The following MCTP1 variants were observed in gnomAD, a reference collection of about 807,000 sequenced individuals.
The protein encoded by MCTP1 is multiple C2 and transmembrane domain-containing protein 1.
MCTP1 carries 69 observed loss-of-function variants against 120.6 expected under a neutral mutation model. The ratio of observed to expected loss-of-function variants is 0.57; its 90% CI spans 0.47 to 0.70. The LOEUF (loss-of-function observed/expected upper bound fraction) is 0.70, where lower values mean the gene tolerates loss of function less well. Among genes scored for constraint, MCTP1 ranks in the 30% least tolerant of loss-of-function variants. The pLI, the probability that MCTP1 is intolerant of heterozygous loss-of-function variation, is 0.00. For synonymous variants in MCTP1, 529 were observed against 493.1 expected, an observed-to-expected ratio of 1.07 and a Z score of -0.96; for missense variants, 1,203 against 1,248.8, an observed-to-expected ratio of 0.96 and a Z score of 0.55.
chr5:94,724,412 ATTTTTT>A (rs34497014), intron 19 of MCTP1, among the ~76,000 whole-genome samples: 2 of 138,510 alleles, frequency 1.4e-5, no homozygotes, highest in Non-Finnish European at 1.6e-5. Context: ...CGTCTGGCTA[ATTTTTT>A]TTTTTTTTTT....
At chr5:94,716,683 A>G (rs1056140096) in intron 19 of MCTP1, among the ~76,000 whole-genome samples, 2 of 152,184 alleles carry the variant, frequency 1.3e-5, no homozygotes, top group Admixed American at 6.5e-5. Flanking sequence ...GTGAAAAACT[A>G]TTTCACAGTA....
At chr5:94,891,738 T>C (rs528115814) in intron 11 of MCTP1, among the ~76,000 whole-genome samples, 1 of 145,382 alleles carries the variant, frequency 6.9e-6, no homozygotes, top group Non-Finnish European at 1.5e-5. Flanking sequence ...TCGATTATAA[T>C]AAGAAGTAAA....
intron 1 of MCTP1, among the ~76,000 whole-genome samples, chr5:95,123,267 T>C (rs1758370241): frequency 6.6e-6 from 1 of 151,828 alleles, no homozygotes; most frequent in Non-Finnish European, 1.5e-5. Flanking sequence ...CCACAAAAAT[T>C]AAAAATAAAA....
intron 19 of MCTP1, among the ~76,000 whole-genome samples, chr5:94,724,450 C>T (rs1215297334): frequency 1.4e-5 from 2 of 147,490 alleles, no homozygotes; most frequent in Non-Finnish European, 3.0e-5. Context: ...CAGGGTCTTG[C>T]TGTGTTGCCC....
At chr5:95,217,667 G>T (rs1168204468) in intron 1 of MCTP1, among the ~76,000 whole-genome samples, 2 of 151,822 alleles carry the variant, frequency 1.3e-5, no homozygotes, top group African/African-American at 2.4e-5. Context: ...TCTGAGGCTT[G>T]GTAATAACAT....
chr5:95,266,882 C>T (rs460363), intron 1 of MCTP1, among the ~76,000 whole-genome samples: 132,742 of 152,222 alleles, frequency 0.87, 58,155 homozygotes, highest in African/African-American at 0.96. Flanking sequence ...TGGCTTATGT[C>T]GCCACTTCAA....
chr5:95,109,201 T>G (rs990264307), intron 1 of MCTP1, among the ~76,000 whole-genome samples: 6 of 152,074 alleles, frequency 3.9e-5, no homozygotes, highest in African/African-American at 1.4e-4. Flanking sequence ...CCATTTAGAT[T>G]TTCCCCTTAC....
At chr5:94,837,110 A>G (rs576925383) in intron 17 of MCTP1, among the ~76,000 whole-genome samples, 1 of 152,164 alleles carries the variant, frequency 6.6e-6, no homozygotes, top group South Asian at 2.1e-4. Flanking sequence ...CTGTGCAGTG[A>G]CTCACACCTG....
chr5:94,734,296 T>C (rs1318418682), intron 19 of MCTP1, among the ~76,000 whole-genome samples: 3 of 151,648 alleles, frequency 2.0e-5, no homozygotes, highest in African/African-American at 4.9e-5. Context: ...TGCAGTCTTA[T>C]AACATGTATT....
At chr5:94,988,928 C>T (rs1413213473) in intron 2 of MCTP1, among the ~76,000 whole-genome samples, 1 of 152,098 alleles carries the variant, frequency 6.6e-6, no homozygotes, top group African/African-American at 2.4e-5. Context: ...CGAGAACTAA[C>T]TCATATCATG....
In MCTP1 at chr5:95,284,689, G is replaced by A. The variant is rs1042464514; in HGVS notation, c.-114C>T. ...CCGCGGCGCTGGCGGTGGCGGCGGC[G>A]GCGGCGGCGGGCGCAGCAGCAGAAA... On this transcript the variant is annotated 5_prime_UTR_variant, in exon 1 of 23. Coordinates refer to ENST00000515393, the MANE Select transcript of MCTP1 (RefSeq NM_024717.7). This position sits in a 1 kb window ranked among gnomAD's most constrained non-coding sequence, Gnocchi z 5.2. 70 of 880,452 alleles carry A rather than the reference G, an allele frequency of 8.0e-5. No individual in the cohort carries two copies. Among genetic ancestry groups the A allele is most frequent in the Admixed American group, 2.9e-4 (7 of 24,406 alleles). The allele number at this position is 880,452 out of a possible 1,614,324, so 54.5% of individuals were successfully genotyped here.
intron 9 of MCTP1, among the ~76,000 whole-genome samples, chr5:94,912,356 C>G (rs1316034318): frequency 7.4e-6 from 1 of 134,982 alleles, no homozygotes; most frequent in African/African-American, 2.7e-5. Flanking sequence ...ACCCGGGAGT[C>G]GGAGGTTGCA....
intron 17 of MCTP1, among the ~76,000 whole-genome samples, chr5:94,818,079 T>TC (rs1784865373): frequency 6.6e-6 from 1 of 152,160 alleles, no homozygotes; most frequent in Non-Finnish European, 1.5e-5. Context: ...GAATCTTTTT[T>TC]CCCCTGAACA....
intron 2 of MCTP1, among the ~76,000 whole-genome samples, chr5:94,954,205 T>TATGC (rs1317009327): frequency 2.3e-5 from 3 of 132,524 alleles, no homozygotes; most frequent in Non-Finnish European, 4.8e-5. Context: ...TATATATATA[T>TATGC]GCCATGGAAT....
At chr5:94,947,541 G>A (rs1401969701) in intron 3 of MCTP1, among the ~76,000 whole-genome samples, 2 of 112,064 alleles carry the variant, frequency 1.8e-5, no homozygotes, top group Non-Finnish European at 3.7e-5. Context: ...AAATATTTTA[G>A]TGTTAGTTTA....
intron 1 of MCTP1, among the ~76,000 whole-genome samples, chr5:95,093,709 C>T (rs189594242): frequency 1.2e-3 from 180 of 152,270 alleles, no homozygotes; most frequent in Non-Finnish European, 2.3e-3. Context: ...TCTTTTGTTC[C>T]ACATGCTGTT....
At chr5:95,123,852 T>C (rs566196033) in intron 1 of MCTP1, among the ~76,000 whole-genome samples, 2 of 152,250 alleles carry the variant, frequency 1.3e-5, no homozygotes, top group South Asian at 4.1e-4. Flanking sequence ...GGTTTCACCA[T>C]ACTAGCCAGG....
intron 1 of MCTP1, among the ~76,000 whole-genome samples, chr5:95,238,796 T>TAA (rs1421670317): frequency 6.6e-6 from 1 of 152,124 alleles, no homozygotes; most frequent in Non-Finnish European, 1.5e-5. Context: ...TACAGACCCC[T>TAA]AAGCCCTCAC....
At chr5:95,063,989 G>A (rs532386468) in intron 1 of MCTP1, among the ~76,000 whole-genome samples, 22 of 152,304 alleles carry the variant, frequency 1.4e-4, no homozygotes, top group African/African-American at 5.3e-4. Flanking sequence ...AAGGAACACT[G>A]TGTGATGACA....
Sources: gnomAD v4.1 joint callset for allele counts (sites outside exome capture counted in the v4.1 genomes callset) on GRCh38, gnomAD v4.1.1 for gene constraint, Gnocchi (gnomAD v3.1) non-coding constraint, MANE v1.5 for transcripts, NCBI Gene and HGNC (gene_info 2026-07-23, HGNC 2026-07-21) for gene names.